The following CRYBG2 variants were observed in gnomAD, a reference collection of about 807,000 sequenced individuals.
CRYBG2 encodes the protein beta/gamma crystallin domain-containing protein 2.
Under a neutral mutation model 153.4 loss-of-function variants are expected in CRYBG2, and 106 were observed. That is an observed-to-expected ratio of 0.69 (90% CI 0.59 to 0.81). The LOEUF (loss-of-function observed/expected upper bound fraction) is 0.81, where lower values mean the gene tolerates loss of function less well. Among genes scored for constraint, CRYBG2 ranks in the 30% least tolerant of loss-of-function variants. The pLI is 0.00. For synonymous variants in CRYBG2, 851 were observed against 877.8 expected (o/e 0.97, Z 0.54); for missense variants, 1,996 against 2,112.0 (o/e 0.95, Z 1.08).
At chr1:26,349,388 C>T (rs112706983) in intron 1 of CRYBG2, among the ~76,000 whole-genome samples, 2,038 of 152,142 alleles carry the variant, frequency 0.013, 50 homozygotes, top group African/African-American at 0.045. Flanking sequence ...TCTGATTTCA[C>T]ATCCAGGCAT....
chr1:26,331,364 G>T, intron 15 of CRYBG2, 125 bp downstream of exon 15: 1 of 1,369,024 alleles, frequency 7.3e-7, no homozygotes. Context: ...GAGTCAAGGG[G>T]ACCTGGGGCA....
intron 17 of CRYBG2, among the ~76,000 whole-genome samples, chr1:26,327,486 A>T (rs796219712): frequency 6.6e-6 from 1 of 151,594 alleles, no homozygotes; most frequent in African/African-American, 2.4e-5. Flanking sequence ...AAAAACAAAA[A>T]AAAAAACCAA....
In CRYBG2 at chr1:26,344,715, A is replaced by G. The variant is rs1275888538; in HGVS notation, c.1943T>C (p.Val648Ala). 6.5e-7 allele frequency: 1 copy of G among 1,534,376 alleles called. No individual in the cohort carries two copies. Among genetic ancestry groups the G allele is most frequent in the Non-Finnish European group, 8.7e-7 (1 of 1,145,896 alleles). ...KGSSSIQKEA[V>A]QGIAGSLAPP... ...GGCAAGGCTGCCTGCAATACCCTGG[A>G]CAGCCTCTTTTTGGATGCTACTGCT... The change falls in exon 2 of 20, where the codon GTC becomes GCC. Residue 648 changes from valine (V) to alanine (A), a missense_variant. Coordinates refer to ENST00000308182, the MANE Select transcript of CRYBG2 (RefSeq NM_001039775.4).
In CRYBG2 at chr1:26,354,115, G is replaced by A. The variant is rs1045119431; in HGVS notation, c.-135C>T. 2.4e-4 allele frequency: 94 copies of A among 399,444 alleles called. No individual in the cohort carries two copies. The highest frequency in any genetic ancestry group is 3.6e-4 in the Non-Finnish European group (81 of 226,502). The allele number at this position is 399,444 out of a possible 1,614,324, so 24.7% of individuals were successfully genotyped here. On this transcript the variant is annotated 5_prime_UTR_variant, in exon 1 of 20. Coordinates refer to ENST00000308182, the MANE Select transcript of CRYBG2 (RefSeq NM_001039775.4). ...CTGCTGGGCCGTGCTCCCCTGATGC[G>A]ATTGGGCTCTCAGCTGGGGTTCCTG...
Position 26,321,969 on chromosome 1 carries a change from C to A in CRYBG2, c.4985G>T (p.Ter1662LeuextTer24), listed in dbSNP as rs766488501. ...ASQIWTIHVL* is the reference protein window; with the variant it reads ...ASQIWTIHVLL ...GGCTGGAGGGTGAGGGGAAAAGTTT[C>A]AAAGCACGTGGATAGTCCAGATCTG... Residue 1662 changes from the stop codon to leucine, a stop_lost, in exon 20 of 20, where the codon TGA becomes TTA. Transcript: ENST00000308182. 1.9e-6 allele frequency: 3 copies of A among 1,566,974 alleles called. No homozygotes were observed.
Position 26,344,988 on chromosome 1 carries a change from G to T in CRYBG2, c.1670C>A (p.Ala557Asp). Residue 557 changes from alanine to aspartate, a missense_variant, in exon 2 of 20, where the codon GCC becomes GAC. Physicochemically the swap from Ala to Asp is moderately radical, Grantham distance 126 (BLOSUM62 -2). Transcript: ENST00000308182. ...EVVKGPGAPAASSPTQKEVVQ... is the reference protein window; with the variant it reads ...EVVKGPGAPADSSPTQKEVVQ... ...CACCTCCTTCTGGGTGGGGGATGAG[G>T]CAGCAGGAGCACCAGGGCCCTTCAC... The T allele has an allele frequency of 5.4e-6, 7 of 1,307,898 alleles. No individual in the cohort carries two copies. Among genetic ancestry groups the T allele is most frequent in the Non-Finnish European group, 7.1e-6 (7 of 991,344 alleles). 81.0% of individuals were successfully genotyped at this position (1,307,898 alleles called of 1,614,324 possible).
chr1:26,336,186 CG>C lies in CRYBG2; in HGVS notation c.4092del (p.Asp1365ThrfsTer146). ...FVSKIQLFSR[P>X]DFLGDHFSFE... ...AAAGAGAAGTGGTCGCCCAGAAAGT[CG>C]GGGCGGGAGAAAAGCTGAATCTGGA... On this transcript the variant is annotated frameshift_variant, in exon 14 of 20. Transcript: ENST00000308182. LOFTEE classifies it high-confidence loss of function. This position sits in a 1 kb window ranked among gnomAD's most constrained non-coding sequence, Gnocchi z 4.9. 1 of 1,550,158 alleles carries C rather than the reference CG, an allele frequency of 6.5e-7. No homozygotes were observed. Among genetic ancestry groups the C allele is most frequent in the Non-Finnish European group, 8.7e-7 (1 of 1,144,882 alleles).
At chr1:26,337,907 GC>G (rs2074081984) in intron 8 of CRYBG2, 104 bp downstream of exon 8, 2 of 1,450,728 alleles carry the variant, frequency 1.4e-6, no homozygotes, top group Non-Finnish European at 9.4e-7. Context: ...CGTGCTTCTG[GC>G]CCCCAGTGCC....
intron 1 of CRYBG2, among the ~76,000 whole-genome samples, chr1:26,351,219 G>A (rs1206670809): frequency 6.6e-6 from 1 of 152,072 alleles, no homozygotes; most frequent in East Asian, 1.9e-4. Context: ...CCATTAGGGA[G>A]CTCCCTTTTT....
chr1:26,331,353 A>G, intron 15 of CRYBG2, 136 bp downstream of exon 15: 1 of 1,290,682 alleles, frequency 7.7e-7, no homozygotes, highest in Non-Finnish European at 1.1e-6. Flanking sequence ...TTACAGCCCC[A>G]GAGTCAAGGG....
In CRYBG2 at chr1:26,338,477, C is replaced by A. The variant is rs11247919; in HGVS notation, c.3345G>T (p.Leu1115=). 5.6e-6 allele frequency: 9 copies of A among 1,601,074 alleles called. No homozygotes were observed. The highest frequency in any genetic ancestry group is 6.8e-6 in the Non-Finnish European group (8 of 1,174,486). ...ATAATGGTTTGGGGTACAGTAGCCA[C>A]CTAGGGGAAACAGAGAGGCTGCTGC... ...QVASATVSAG[L]WLLYPKPLFE... The change falls in exon 7 of 20, where the codon CTG becomes CTT. Residue 1115 remains leucine (L), a splice_region_variant and synonymous_variant. Coordinates refer to ENST00000308182, the MANE Select transcript of CRYBG2 (RefSeq NM_001039775.4).
chr1:26,349,306 C>G (rs2074261979), intron 1 of CRYBG2, among the ~76,000 whole-genome samples: 2 of 152,164 alleles, frequency 1.3e-5, no homozygotes, highest in South Asian at 4.1e-4. Context: ...AACCGAGGGT[C>G]AGAGAAGACG....
In CRYBG2 at chr1:26,325,957, CAGTGG is replaced by C. The variant is rs1171443379; in HGVS notation, c.4579-1652_4579-1648del. Among the ~76,000 whole-genome samples the C allele has an allele frequency of 6.6e-6, 1 of 152,022 alleles. No homozygotes were observed. The highest frequency in any genetic ancestry group is 1.5e-5 in the Non-Finnish European group (1 of 68,006). On this transcript the variant is annotated intron_variant, in intron 17 of 19. Transcript: ENST00000308182. This position sits in a 1 kb window ranked among gnomAD's most constrained non-coding sequence, Gnocchi z 4.1. ...CGCTCTGTCACCCACGCTGGAGTAC[CAGTGG>C]AGCCATCATGGCTCACTGTAGCCTC...
chr1:26,337,202 AG>A, intron 10 of CRYBG2, 50 bp downstream of exon 10: 1 of 1,608,852 alleles, frequency 6.2e-7, no homozygotes, highest in Non-Finnish European at 8.5e-7. Flanking sequence ...GTACTGGGGG[AG>A]GTCTGGCTGT....
At chr1:26,322,377 T>C in intron 18 of CRYBG2, 54 bp from the exon 19 acceptor site, 1 of 1,559,810 alleles carries the variant, frequency 6.4e-7, no homozygotes, top group Non-Finnish European at 8.7e-7. Flanking sequence ...GACTCTACTG[T>C]ACCCAAGAAA....
chr1:26,322,027 C>A lies in CRYBG2; in HGVS notation c.4927G>T (p.Val1643Leu), dbSNP rs780015958. The A allele has an allele frequency of 6.2e-7, 1 of 1,607,254 alleles. No individual in the cohort carries two copies. The highest frequency in any genetic ancestry group is 1.7e-5 in the Admixed American group (1 of 59,832). The change falls in exon 20 of 20, where the codon GTG becomes TTG. Residue 1643 changes from valine to leucine, a missense_variant. Transcript: ENST00000308182. ...CTGTCCTCATCCGGCTCCCATAGCA[C>A]CACGTGGTCCCGGTCGTAGCCCCGG... ...GGRGYDRDHV[V>L]LWEPDEDRAS...
Position 26,345,553 on chromosome 1 carries a change from GGTGA to G in CRYBG2, c.1101_1104del (p.His368LeufsTer40). 1 of 1,604,636 alleles carries G rather than the reference GGTGA, an allele frequency of 6.2e-7. No individual in the cohort carries two copies. The stretch of plus-strand genomic sequence containing the variant: ...GTGGGCACCACAGGCTGCTTTGCAG[GGTGA>G]GTTAGGCCAGGAGAGGGGACATGGG... On this transcript the variant is annotated frameshift_variant, in exon 2 of 20. Coordinates refer to ENST00000308182, the MANE Select transcript of CRYBG2 (RefSeq NM_001039775.4). LOFTEE classifies it high-confidence loss of function.
At position 26,339,311 on chromosome 1, in the gene CRYBG2, G is replaced by C. The variant is rs1557712125; in HGVS notation, c.3323C>G (p.Ser1108Cys). The C allele has an allele frequency of 3.1e-6, 5 of 1,614,080 alleles. No homozygotes were observed. The highest frequency in any genetic ancestry group is 4.2e-6 in the Non-Finnish European group (5 of 1,179,996). ...TCACAGTCCTGCAGAGACGGTGGCA[G>C]ATGCCACCTGCAGGGGCTTCTCCAG... The part of the protein sequence containing the change: ...QGLEKPLQVA[S>C]ATVSAGLWLL... The change falls in exon 6 of 20, where the codon TCT becomes TGT. Residue 1108 changes from serine (S) to cysteine (C), a missense_variant. Ser to Cys is a moderately radical substitution (Grantham distance 112, BLOSUM62 -1). Coordinates refer to ENST00000308182, the MANE Select transcript of CRYBG2 (RefSeq NM_001039775.4).
At chr1:26,324,027 C>T in intron 18 of CRYBG2, 125 bp downstream of exon 18, 2 of 1,018,296 alleles carry the variant, frequency 2.0e-6, no homozygotes, top group African/African-American at 1.6e-5. Flanking sequence ...CTGCACTCTC[C>T]CTCTCCCCAG....
Sources: allele counts gnomAD v4.1 joint callset (sites outside exome capture counted in the v4.1 genomes callset), GRCh38; gene constraint gnomAD v4.1.1; non-coding constraint Gnocchi (gnomAD v3.1); transcripts MANE v1.5; gene names NCBI Gene and HGNC (gene_info 2026-07-23, HGNC 2026-07-21).